The following GOLGA8B variants were observed in gnomAD, a reference collection of about 807,000 sequenced individuals.
GOLGA8B encodes the protein golgin A8 family member B.
GOLGA8B carries 1 observed loss-of-function variant against 15.6 expected under a neutral mutation model. The observed-to-expected ratio is 0.06, with a 90% CI of 0.02 to 0.30. The LOEUF is 0.30. Among genes scored for constraint, GOLGA8B ranks in the 10% least tolerant of loss-of-function variants. GOLGA8B has a pLI of 1.00. For synonymous variants in GOLGA8B, 9 were observed against 80.3 expected, an observed-to-expected ratio of 0.11 and a Z score of 4.75; for missense variants, 17 against 201.3, an observed-to-expected ratio of 0.08 and a Z score of 5.54.
chr15:34,568,044 G>A (rs918130444), intron 1 of GOLGA8B, among the ~76,000 whole-genome samples: 12 of 150,626 alleles, frequency 8.0e-5, no homozygotes, highest in Non-Finnish European at 1.6e-4. Context: ...ACCAATTCCC[G>A]GGTGTCAGAC....
At chr15:34,577,171 T>C (rs1889106468) in intron 1 of GOLGA8B, among the ~76,000 whole-genome samples, 2 of 152,034 alleles carry the variant, frequency 1.3e-5, no homozygotes, top group South Asian at 4.2e-4. Flanking sequence ...TTCAGACAGA[T>C]GCTAGAGCAC....
intron 1 of GOLGA8B, among the ~76,000 whole-genome samples, chr15:34,571,537 G>A (rs948867895): frequency 6.7e-6 from 1 of 150,258 alleles, no homozygotes; most frequent in African/African-American, 2.4e-5. Context: ...TCAGAACACA[G>A]CAGCTACTTA....
intron 1 of GOLGA8B, among the ~76,000 whole-genome samples, chr15:34,573,420 C>T (rs1289477249): frequency 3.3e-5 from 5 of 151,694 alleles, no homozygotes; most frequent in East Asian, 3.9e-4. Context: ...GCCTGTAGTC[C>T]CAGCTACTCG....
At chr15:34,574,406 C>G (rs1402845010) in intron 1 of GOLGA8B, among the ~76,000 whole-genome samples, 1 of 151,580 alleles carries the variant, frequency 6.6e-6, no homozygotes, top group Non-Finnish European at 1.5e-5. Flanking sequence ...TGGGCTTAAG[C>G]GATCCTCCCA....
chr15:34,580,551 T>C (rs1461788781), intron 1 of GOLGA8B, among the ~76,000 whole-genome samples: 1 of 152,006 alleles, frequency 6.6e-6, no homozygotes, highest in Non-Finnish European at 1.5e-5. Context: ...CTTGTGTGTC[T>C]GGACAGGGAG....
At chr15:34,554,296 G>C (rs1888431310) in intron 1 of GOLGA8B, among the ~76,000 whole-genome samples, 1 of 152,292 alleles carries the variant, frequency 6.6e-6, no homozygotes, top group Non-Finnish European at 1.5e-5. Flanking sequence ...GATCACCGCT[G>C]CATGTCCCAG....
At chr15:34,566,568 G>T (rs1419762108) in intron 1 of GOLGA8B, 3 of 142,776 alleles carry the variant, frequency 2.1e-5, no homozygotes, top group Admixed American at 2.1e-4. Context: ...TACTACTGGA[G>T]GACAAGGCAG....
At chr15:34,566,226 G>T in intron 1 of GOLGA8B, 1 of 142,494 alleles carries the variant, frequency 7.0e-6, no homozygotes, top group Non-Finnish European at 1.6e-5. Context: ...GTTTCAGATT[G>T]CAAGATGAAG....
In GOLGA8B at chr15:34,526,742, T is replaced by C. The variant is rs942425147; in HGVS notation, c.*890A>G. 1.3e-5 allele frequency: 2 copies of C among 149,512 alleles called. No homozygotes were observed. The highest frequency in any genetic ancestry group is 6.8e-5 in the Admixed American group (1 of 14,784). 9.3% of individuals were successfully genotyped at this position (149,512 alleles called of 1,614,324 possible). ...CTTTAAAATGTATTGTAGATACAAATGCTCTAAGCTAGGAAAGGTTTTCCA... is the reference window on the plus strand; with the variant it reads ...CTTTAAAATGTATTGTAGATACAAACGCTCTAAGCTAGGAAAGGTTTTCCA... On this transcript the variant is annotated 3_prime_UTR_variant, in exon 24 of 24. Coordinates refer to ENST00000683415, the MANE Select transcript of GOLGA8B (RefSeq NM_001023567.5).
intron 1 of GOLGA8B, among the ~76,000 whole-genome samples, chr15:34,576,811 A>G (rs1190887038): frequency 2.6e-5 from 4 of 152,238 alleles, no homozygotes; most frequent in Non-Finnish European, 4.4e-5. Flanking sequence ...ACCAGCCAGA[A>G]TCAGTTAGAG....
In GOLGA8B at chr15:34,562,686, T is replaced by G. The variant is rs916370998; in HGVS notation, c.-1122-8730A>C. 3.3e-5 allele frequency among the ~76,000 whole-genome samples: 4 copies of G among 120,952 alleles called. 1 individual carries two copies. Among genetic ancestry groups the G allele is most frequent in the Non-Finnish European group, 7.7e-5 (4 of 52,004 alleles). 79.3% of individuals were successfully genotyped at this position (120,952 alleles called of 152,430 possible). On this transcript the variant is annotated intron_variant, in intron 1 of 23. Transcript: ENST00000683415. ...GTTGCTCATCATTTGTCATCTTTTT[T>G]AAAATGCCCCCTTTTGTTCATTCAT...
intron 1 of GOLGA8B, among the ~76,000 whole-genome samples, chr15:34,557,644 A>ATGTGTGTATGTGTGTGTGTGTGTGTG (rs1555405944): frequency 3.9e-5 from 3 of 76,060 alleles, no homozygotes; most frequent in Non-Finnish European, 8.5e-5. Context: ...GAATTCATGA[A>ATGTGTGTATGTGTGTGTGTGTGTGTG]TGTGTGTGTG....
At chr15:34,573,325 T>G (rs1358291474) in intron 1 of GOLGA8B, among the ~76,000 whole-genome samples, 2 of 152,044 alleles carry the variant, frequency 1.3e-5, no homozygotes, top group African/African-American at 4.8e-5. Flanking sequence ...GATCATGAGA[T>G]CAGGAGATCA....
intron 1 of GOLGA8B, among the ~76,000 whole-genome samples, chr15:34,569,929 A>C (rs907919829): frequency 1.3e-5 from 2 of 152,048 alleles, no homozygotes; most frequent in African/African-American, 4.8e-5. Context: ...TCCCAGTGGA[A>C]ATTTGGTGGC....
chr15:34,577,975 T>C (rs1239532478), intron 1 of GOLGA8B, among the ~76,000 whole-genome samples: 1 of 152,224 alleles, frequency 6.6e-6, no homozygotes, highest in Non-Finnish European at 1.5e-5. Flanking sequence ...ATAGGAATTT[T>C]TGAGCCCCAT....
At chr15:34,577,178 G>A (rs1889106528) in intron 1 of GOLGA8B, among the ~76,000 whole-genome samples, 1 of 152,064 alleles carries the variant, frequency 6.6e-6, no homozygotes, top group Admixed American at 6.6e-5. Flanking sequence ...AGATGCTAGA[G>A]CACATGGCTC....
chr15:34,559,132 C>T (rs530113124), intron 1 of GOLGA8B, among the ~76,000 whole-genome samples: 11 of 143,134 alleles, frequency 7.7e-5, no homozygotes, highest in African/African-American at 2.9e-4. Flanking sequence ...ATGGATAAAC[C>T]TTGAGGACAT....
In GOLGA8B at chr15:34,556,999, T is replaced by C. The variant is rs1325455561; in HGVS notation, c.-1122-3043A>G. Among the ~76,000 whole-genome samples, 2 of 145,528 alleles carry C rather than the reference T, an allele frequency of 1.4e-5. 1 individual carries two copies. Among genetic ancestry groups the C allele is most frequent in the African/African-American group, 5.2e-5 (2 of 38,764 alleles). On this transcript the variant is annotated intron_variant, in intron 1 of 23. Coordinates refer to ENST00000683415, the MANE Select transcript of GOLGA8B (RefSeq NM_001023567.5). ...CATGTTGCGTGGATGCTCCGGCCAC[T>C]CTTAAGCTCACCGCTCAGACTCAGG...
intron 1 of GOLGA8B, chr15:34,556,940 G>A (rs1888504280): frequency 1.5e-6 from 1 of 677,516 alleles, no homozygotes; most frequent in South Asian, 1.8e-5. Context: ...CAGTTCTAAT[G>A]GTGGCTGAGC....
Sources: gnomAD v4.1 joint callset for allele counts (sites outside exome capture counted in the v4.1 genomes callset) on GRCh38, gnomAD v4.1.1 for gene constraint, MANE v1.5 for transcripts, NCBI Gene and HGNC (gene_info 2026-07-23, HGNC 2026-07-21) for gene names.